The following ABCA1 variants were observed in gnomAD, a reference collection of about 807,000 sequenced individuals.
The protein encoded by ABCA1 is ATP binding cassette subfamily A member 1, also known as phospholipid-transporting ATPase ABCA1.
Under a neutral mutation model 262.5 loss-of-function variants are expected in ABCA1, and 133 were observed. That is an observed-to-expected ratio of 0.51 (90% CI 0.44 to 0.59). ABCA1 has a LOEUF of 0.59. Among genes scored for constraint, ABCA1 ranks in the 20% least tolerant of loss-of-function variants. ABCA1 has a pLI of 0.00. For synonymous variants in ABCA1, 1,022 were observed against 1,043.5 expected (o/e 0.98, Z 0.40); for missense variants, 2,452 against 2,777.5 (o/e 0.88, Z 2.63).
Position 104,817,109 on chromosome 9 carries a change from G to T in ABCA1, c.3535+223C>A. The T allele has an allele frequency of 1.5e-6, 1 of 651,604 alleles. No homozygotes were observed. 40.4% of individuals were successfully genotyped at this position (651,604 alleles called of 1,614,324 possible). A position where few individuals can be genotyped will look rare whatever the true frequency, so the allele number is the denominator to read the frequency against. On this transcript the variant is annotated intron_variant, in intron 24 of 49. Coordinates refer to ENST00000374736, the MANE Select transcript of ABCA1 (RefSeq NM_005502.4). This position sits in a 1 kb window ranked among gnomAD's most constrained non-coding sequence, Gnocchi z 4.7. ...AAACCCCAATCATCTCAGCTCTCTG[G>T]GACACTGCCCTGCTAGCTCCCAAAC...
At chr9:104,829,561 T>C (rs1400092973) in intron 14 of ABCA1, among the ~76,000 whole-genome samples, 1 of 152,194 alleles carries the variant, frequency 6.6e-6, no homozygotes, top group African/African-American at 2.4e-5. Context: ...CTCTTGTCAA[T>C]GTTTCAGATT....
At chr9:104,837,599 T>C (rs2119024915) in intron 9 of ABCA1, 32 bp from the exon 10 acceptor site, 3 of 1,612,320 alleles carry the variant, frequency 1.9e-6, no homozygotes, top group South Asian at 1.1e-5. Flanking sequence ...AATGCTCATA[T>C]GCATGGTCAT....
chr9:104,850,398 A>C (rs1835274168), intron 7 of ABCA1, among the ~76,000 whole-genome samples: 1 of 152,214 alleles, frequency 6.6e-6, no homozygotes, highest in African/African-American at 2.4e-5. Flanking sequence ...CTGGGATTGC[A>C]GGCGTGAGCC....
chr9:104,818,591 GA>G lies in ABCA1; in HGVS notation c.3462+71del. Reference sequence around the variant, plus strand: ...ACATGGCAAAAGGGGTGGAGATGGAGAAATCATTCACAGCCAGCAAGTCCTG... The same window carrying G: ...ACATGGCAAAAGGGGTGGAGATGGAGAATCATTCACAGCCAGCAAGTCCTG... On this transcript the variant is annotated intron_variant, in intron 23 of 49. Transcript: ENST00000374736. 4.2e-6 allele frequency: 6 copies of G among 1,426,704 alleles called. No homozygotes were observed. In the South Asian group the frequency reaches 6.9e-5, roughly 16 times the overall value. The allele number at this position is 1,426,704 out of a possible 1,614,324, so 88.4% of individuals were successfully genotyped here.
intron 5 of ABCA1, among the ~76,000 whole-genome samples, chr9:104,864,367 A>G (rs1014959507): frequency 3.3e-5 from 5 of 152,076 alleles, no homozygotes; most frequent in African/African-American, 1.2e-4. Flanking sequence ...ACAGAAAGCG[A>G]CATCCGGGGT....
chr9:104,832,814 A>C (rs530308882), intron 11 of ABCA1, 43 bp from the exon 12 acceptor site: 4 of 1,582,536 alleles, frequency 2.5e-6, no homozygotes, highest in Non-Finnish European at 2.6e-6. Context: ...ACACCAACTA[A>C]ATCTTGAGGA....
intron 2 of ABCA1, 174 bp from the exon 3 acceptor site, chr9:104,889,369 A>G (rs920251390): frequency 8.1e-6 from 8 of 984,978 alleles, no homozygotes; most frequent in African/African-American, 1.7e-5. Context: ...ACCTTTTAAC[A>G]TACCATTCCA....
Position 104,799,547 on chromosome 9 carries a change from T to C in ABCA1, c.4943+272A>G, listed in dbSNP as rs998659474. On this transcript the variant is annotated intron_variant, in intron 36 of 49. Coordinates refer to ENST00000374736, the MANE Select transcript of ABCA1 (RefSeq NM_005502.4). ...TTAAACACTTATAATTAAATTATAA[T>C]TTAATTAACAATTTTTGAACTCACT... The C allele has an allele frequency of 4.1e-6, 4 of 981,658 alleles. No homozygotes were observed. The African/African-American group carries it at 7.0e-5, about 17-fold the overall frequency. The allele number at this position is 981,658 out of a possible 1,614,324, so 60.8% of individuals were successfully genotyped here. A position where few individuals can be genotyped will look rare whatever the true frequency, so the allele number is the denominator to read the frequency against.
At chr9:104,908,326 A>G (rs983472475) in intron 1 of ABCA1, among the ~76,000 whole-genome samples, 1 of 152,222 alleles carries the variant, frequency 6.6e-6, no homozygotes. Context: ...CAGAATAGCC[A>G]AAAACTGGAA....
At chr9:104,866,272 T>C (rs1837079371) in intron 5 of ABCA1, among the ~76,000 whole-genome samples, 1 of 152,130 alleles carries the variant, frequency 6.6e-6, no homozygotes, top group South Asian at 2.1e-4. Context: ...CAGAGTACAG[T>C]GGCTTTGTAT....
intron 5 of ABCA1, among the ~76,000 whole-genome samples, chr9:104,869,127 G>A (rs113136443): frequency 6.6e-6 from 1 of 152,106 alleles, no homozygotes; most frequent in Non-Finnish European, 1.5e-5. Context: ...GGTTACTCTC[G>A]GTCAGTGCCC....
At chr9:104,866,238 G>A (rs770077849) in intron 5 of ABCA1, among the ~76,000 whole-genome samples, 8 of 152,064 alleles carry the variant, frequency 5.3e-5, no homozygotes, top group Non-Finnish European at 1.0e-4. Context: ...AGTAGGAAGG[G>A]GAGAAAAAAG....
At chr9:104,801,092 G>A (rs1365552777) in intron 34 of ABCA1, among the ~76,000 whole-genome samples, 1 of 140,678 alleles carries the variant, frequency 7.1e-6, no homozygotes, top group African/African-American at 2.7e-5. Context: ...TACTTATCAG[G>A]TCCTACAGAC....
chr9:104,834,146 T>C (rs550374624), intron 11 of ABCA1, among the ~76,000 whole-genome samples: 3 of 150,046 alleles, frequency 2.0e-5, no homozygotes, highest in African/African-American at 7.3e-5. Context: ...AATGATTGTA[T>C]AGAGTATATG....
chr9:104,843,775 A>ACC (rs537666166), intron 8 of ABCA1, among the ~76,000 whole-genome samples: 32 of 152,058 alleles, frequency 2.1e-4, no homozygotes, highest in African/African-American at 6.0e-4. Flanking sequence ...CTGACTGGAC[A>ACC]AACAAGTGCA....
At chr9:104,894,432 T>C (rs751703829) in intron 2 of ABCA1, among the ~76,000 whole-genome samples, 1 of 151,932 alleles carries the variant, frequency 6.6e-6, no homozygotes, top group Non-Finnish European at 1.5e-5. Flanking sequence ...GGAAAAGAGG[T>C]TAAAAAAAAT....
chr9:104,803,404 G>T (rs1830505915), intron 32 of ABCA1, 88 bp from the exon 33 acceptor site: 3 of 1,314,350 alleles, frequency 2.3e-6, no homozygotes, highest in South Asian at 1.2e-5. Flanking sequence ...TCCACCTGAG[G>T]ATATAAGGAA....
At chr9:104,793,610 C>T (rs140972107) in intron 40 of ABCA1, among the ~76,000 whole-genome samples, 19 of 151,818 alleles carry the variant, frequency 1.3e-4, no homozygotes, top group Middle Eastern at 3.4e-3. Context: ...AAAAGGCAAA[C>T]GACCCAAGTA....
intron 39 of ABCA1, among the ~76,000 whole-genome samples, chr9:104,794,982 A>G (rs565568139): frequency 6.6e-6 from 1 of 152,330 alleles, no homozygotes; most frequent in Admixed American, 6.5e-5. Context: ...CGCTGGATGC[A>G]CTGTGCTAGG....
Sources: gnomAD v4.1 joint callset for allele counts (sites outside exome capture counted in the v4.1 genomes callset) on GRCh38, gnomAD v4.1.1 for gene constraint, Gnocchi (gnomAD v3.1) non-coding constraint, MANE v1.5 for transcripts, NCBI Gene and HGNC (gene_info 2026-07-23, HGNC 2026-07-21) for gene names.